The following NOTCH3 variants were observed in gnomAD, a reference collection of about 807,000 sequenced individuals.
NOTCH3 encodes the protein notch receptor 3, also known as neurogenic locus notch homolog protein 3.
In NOTCH3, 86 loss-of-function variants were observed where a neutral mutation model predicts 213.3. That is an observed-to-expected ratio of 0.40 (90% CI 0.34 to 0.48). The LOEUF is 0.48. Ranked by LOEUF, NOTCH3 falls within the 20% of genes least tolerant of loss-of-function variation. The probability of loss-of-function intolerance (pLI) is 0.57; values close to 1 mark genes in which losing one functional copy is unlikely to be tolerated. For synonymous variants in NOTCH3, 1,354 were observed against 1,355.9 expected, an observed-to-expected ratio of 1.00 and a Z score of 0.03; for missense variants, 2,783 against 3,272.6, an observed-to-expected ratio of 0.85 and a Z score of 3.65.
At chr19:15,197,448 C>CCCCCCCCCCCCCCCCA in intron 2 of NOTCH3, 52 bp downstream of exon 2, 1 of 797,784 alleles carries the variant, frequency 1.3e-6, no homozygotes. Flanking sequence ...ATCGCCCCTC[C>CCCCCCCCCCCCCCCCA]CCCCCGCCCC....
chr19:15,173,038 TCC>T (rs372637084), intron 25 of NOTCH3, among the ~76,000 whole-genome samples: 1 of 2,848 alleles, frequency 3.5e-4, no homozygotes, highest in African/African-American at 2.9e-3. Flanking sequence ...CCCCTCCCCC[TCC>T]CCCTCCCTCC....
chr19:15,182,859 C>A (rs1428059792), intron 16 of NOTCH3, among the ~76,000 whole-genome samples: 3 of 152,104 alleles, frequency 2.0e-5, no homozygotes, highest in Non-Finnish European at 4.4e-5. Context: ...TCAGGCTGGT[C>A]TCAAACTTCT....
rs71168591 is a variant in NOTCH3, at chr19:15,174,571, AT to A, written c.4404-172del. Among the ~76,000 whole-genome samples the A allele has an allele frequency of 4.8e-3, 693 of 145,512 alleles. 6 individuals carry two copies. Among genetic ancestry groups the A allele is most frequent in the African/African-American group, 0.015 (578 of 39,502 alleles). ...TGCAAATCTTGCCATTCACTGGATAATTTTTTTTTTTTTTTTTTGAGACGGA... is the reference window on the plus strand; with the variant it reads ...TGCAAATCTTGCCATTCACTGGATAATTTTTTTTTTTTTTTTTGAGACGGA... On this transcript the variant is annotated intron_variant, in intron 24 of 32. Coordinates refer to ENST00000263388, the MANE Select transcript of NOTCH3 (RefSeq NM_000435.3).
chr19:15,183,381 C>G (rs1423069655), intron 16 of NOTCH3, among the ~76,000 whole-genome samples: 1 of 55,886 alleles, frequency 1.8e-5, no homozygotes, highest in African/African-American at 6.3e-5. Flanking sequence ...TGGCAGCACC[C>G]CTTTTTGTTT....
At chr19:15,189,210 G>C (rs866664588) in intron 7 of NOTCH3, 36 bp from the exon 8 acceptor site, 1 of 1,613,310 alleles carries the variant, frequency 6.2e-7, no homozygotes, top group South Asian at 1.1e-5. Flanking sequence ...GGGCGTGGCT[G>C]GCCGGGACCC....
At chr19:15,198,644 A>G (rs1212065431) in intron 1 of NOTCH3, among the ~76,000 whole-genome samples, 1 of 152,094 alleles carries the variant, frequency 6.6e-6, no homozygotes, top group South Asian at 2.1e-4. Flanking sequence ...CTAGCTACTC[A>G]GGAGGCTGAG....
At position 15,160,548 on chromosome 19, in the gene NOTCH3, T is replaced by C. The variant is rs570422048; in HGVS notation, c.*114A>G. 5 of 895,484 alleles carry C rather than the reference T, an allele frequency of 5.6e-6. No individual in the cohort carries two copies. In the African/African-American group the frequency reaches 6.6e-5, roughly 12 times the overall value. The allele number at this position is 895,484 out of a possible 1,614,324, so 55.5% of individuals were successfully genotyped here. A position where few individuals can be genotyped will look rare whatever the true frequency, so the allele number is the denominator to read the frequency against. On this transcript the variant is annotated 3_prime_UTR_variant, in exon 33 of 33. Transcript: ENST00000263388. ...GCTGCAAGGCAAGGATGCAGGAGGGTTGGTGGAAAGAGAAGAGGATGAAAA... is the reference window on the plus strand; with the variant it reads ...GCTGCAAGGCAAGGATGCAGGAGGGCTGGTGGAAAGAGAAGAGGATGAAAA...
intron 29 of NOTCH3, 34 bp from the exon 30 acceptor site, chr19:15,166,125 A>AAC: frequency 8.8e-6 from 14 of 1,581,978 alleles, no homozygotes; most frequent in Non-Finnish European, 1.2e-5. Flanking sequence ...CAGGAAGGTA[A>AAC]ACACAGGGCC....
Position 15,161,266 on chromosome 19 carries a change from A to T in NOTCH3, c.6362T>A (p.Phe2121Tyr). 2 of 1,544,594 alleles carry T rather than the reference A, an allele frequency of 1.3e-6. No homozygotes were observed. The highest frequency in any genetic ancestry group is 1.2e-5 in the South Asian group (1 of 84,164). ...FGGPPASPGG[F>Y]PLEGPYAAAT... The stretch of plus-strand genomic sequence containing the variant: ...AGCTGCATAGGGCCCCTCAAGGGGG[A>T]AGCCACCAGGGGAAGCAGGGGGCCC... Residue 2121 changes from phenylalanine to tyrosine, a missense_variant, in exon 33 of 33, where the codon TTC becomes TAC. This residue lies in a region of NOTCH3 where 441 missense variants were observed against 432.1 expected (regional missense o/e 1.02). Transcript: ENST00000263388.
chr19:15,195,688 G>T (rs1194606567), intron 2 of NOTCH3, among the ~76,000 whole-genome samples: 1 of 151,354 alleles, frequency 6.6e-6, no homozygotes, highest in Admixed American at 6.6e-5. Context: ...TCCAAGGCCC[G>T]CAGGGCGACC....
chr19:15,170,597 G>T (rs2046724593), intron 26 of NOTCH3, 44 bp from the exon 27 acceptor site: 1 of 1,588,504 alleles, frequency 6.3e-7, no homozygotes, highest in East Asian at 2.3e-5. Context: ...CGAGGGCGGG[G>T]CTTTGGCCTC....
At chr19:15,180,346 G>T in intron 19 of NOTCH3, 90 bp from the exon 20 acceptor site, 11 of 1,426,188 alleles carry the variant, frequency 7.7e-6, no homozygotes, top group Non-Finnish European at 1.1e-5. Flanking sequence ...ATCCTTGGTG[G>T]AATGAGTCCC....
intron 2 of NOTCH3, among the ~76,000 whole-genome samples, chr19:15,195,838 G>T (rs990220805): frequency 6.6e-6 from 1 of 151,538 alleles, no homozygotes; most frequent in Admixed American, 6.6e-5. Context: ...TGCGTCCCGC[G>T]CCCCCGCCGA....
rs768762195 is a variant in NOTCH3 at position 15,180,952 on chromosome 19, T to C, written c.2994+9A>G. 5.0e-6 allele frequency: 8 copies of C among 1,587,646 alleles called. No individual in the cohort carries two copies. The South Asian group carries it at 5.7e-5, about 11-fold the overall frequency. ...GCTCCTCCCCCAGGTCCCCAGTAAC[T>C]CCACCCACCTGGCACTGCGGGCCCG... On this transcript the variant is annotated intron_variant, in intron 18 of 32. Transcript: ENST00000263388.
intron 8 of NOTCH3, 113 bp downstream of exon 8, chr19:15,188,875 TA>T: frequency 1.9e-6 from 2 of 1,050,722 alleles, no homozygotes; most frequent in Non-Finnish European, 2.8e-6. Flanking sequence ...CTTCAGTCTC[TA>T]AGGGTCCCAC....
At chr19:15,189,916 T>A (rs1041083364) in intron 6 of NOTCH3, among the ~76,000 whole-genome samples, 9 of 152,332 alleles carry the variant, frequency 5.9e-5, no homozygotes, top group Middle Eastern at 3.4e-3. Flanking sequence ...ACCATTCATA[T>A]ACCCACCACC....
In NOTCH3 at chr19:15,189,148, T is replaced by A. The variant is rs2145436483; in HGVS notation, c.1219A>T (p.Arg407Trp). The change falls in exon 8 of 33, where the codon AGG becomes TGG. Residue 407 changes from arginine to tryptophan, a missense_variant. Coordinates refer to ENST00000263388, the MANE Select transcript of NOTCH3 (RefSeq NM_000435.3). ...IGANPCEHLG[R>W]CVNTQGSFLC... is the part of the protein sequence containing the mutation. The stretch of plus-strand genomic sequence containing the variant: ...AAGGAGCCCTGCGTGTTCACGCACC[T>A]GCCCAAGTGCTCGCAGGGGTTGGCG... 6.2e-7 allele frequency: 1 copy of A among 1,613,404 alleles called. No individual in the cohort carries two copies.
chr19:15,178,769 T>A, intron 23 of NOTCH3, 54 bp downstream of exon 23: 2 of 1,260,708 alleles, frequency 1.6e-6, no homozygotes, highest in Non-Finnish European at 2.3e-6. Context: ...ACGCCCCTAC[T>A]ACTCCAGAGG....
intron 28 of NOTCH3, 59 bp downstream of exon 28, chr19:15,170,027 C>A: frequency 1.0e-6 from 1 of 991,834 alleles, no homozygotes; most frequent in Non-Finnish European, 1.6e-6. Flanking sequence ...GGGGACCCCA[C>A]CCAGTACCCT....
Sources: gnomAD v4.1 joint callset for allele counts (sites outside exome capture counted in the v4.1 genomes callset) on GRCh38, gnomAD v4.1.1 for gene constraint, gnomAD v4.1.1 regional missense constraint, MANE v1.5 for transcripts, NCBI Gene and HGNC (gene_info 2026-07-23, HGNC 2026-07-21) for gene names.